BTBD10: variants seen among roughly 807,000 people sequenced by gnomAD.
BTBD10 encodes BTB/POZ domain-containing protein 10.
A neutral mutation model predicts 53.2 loss-of-function variants in BTBD10; 21 were observed. That is an observed-to-expected ratio of 0.39 (90% confidence interval 0.28 to 0.57). The LOEUF (loss-of-function observed/expected upper bound fraction) is 0.57, where lower values mean the gene tolerates loss of function less well. BTBD10 is among the 20% of genes least tolerant of loss of function. The probability of loss-of-function intolerance (pLI) is 0.53; values close to 1 mark genes in which losing one functional copy is unlikely to be tolerated. For missense variants in BTBD10, 360 were observed against 594.7 expected (o/e 0.61, Z 4.10); for synonymous variants, 149 against 192.7 (o/e 0.77, Z 1.88).
At chr11:13,444,407 T>C (rs1266996696) in intron 2 of BTBD10, among the ~76,000 whole-genome samples, 2 of 152,170 alleles carry the variant, frequency 1.3e-5, no homozygotes, top group Non-Finnish European at 2.9e-5. Flanking sequence ...CATCTTAAAA[T>C]TTCAGATCAA....
chr11:13,461,076 G>A (rs1951084613), intron 1 of BTBD10, among the ~76,000 whole-genome samples: 1 of 152,074 alleles, frequency 6.6e-6, no homozygotes, highest in African/African-American at 2.4e-5. Context: ...CTTAACTACT[G>A]TTTTCAATTA....
At chr11:13,416,371 A>G (rs1300118702) in intron 5 of BTBD10, among the ~76,000 whole-genome samples, 4 of 151,938 alleles carry the variant, frequency 2.6e-5, no homozygotes, top group African/African-American at 9.7e-5. Context: ...AAACAACAAC[A>G]ACAACAAAAA....
chr11:13,416,040 C>G (rs1387175624), intron 5 of BTBD10, among the ~76,000 whole-genome samples: 1 of 151,718 alleles, frequency 6.6e-6, no homozygotes, highest in East Asian at 1.9e-4. Flanking sequence ...CAGTTAAAAC[C>G]TCAAAAAAAA....
At chr11:13,436,019 C>G (rs1443293035) in intron 2 of BTBD10, among the ~76,000 whole-genome samples, 1 of 152,152 alleles carries the variant, frequency 6.6e-6, no homozygotes, top group Admixed American at 6.5e-5. Context: ...GTCTAACTAT[C>G]CTAAGAAATA....
At chr11:13,446,652 T>A (rs1032967829) in intron 1 of BTBD10, among the ~76,000 whole-genome samples, 6 of 152,172 alleles carry the variant, frequency 3.9e-5, no homozygotes, top group African/African-American at 1.4e-4. Context: ...CATAGTTTAT[T>A]TGCTGAATGC....
At chr11:13,441,394 C>G (rs1008843655) in intron 2 of BTBD10, among the ~76,000 whole-genome samples, 1 of 151,868 alleles carries the variant, frequency 6.6e-6, no homozygotes, top group Non-Finnish European at 1.5e-5. Flanking sequence ...TCACTAGGTA[C>G]CCCATAAATA....
chr11:13,394,358 A>C (rs932274231), intron 8 of BTBD10, among the ~76,000 whole-genome samples: 4 of 152,136 alleles, frequency 2.6e-5, no homozygotes, highest in Admixed American at 2.0e-4. Context: ...GTTTAAAAGT[A>C]TGTGGCAGTT....
intron 5 of BTBD10, 32 bp downstream of exon 5, chr11:13,417,126 T>C (rs375488801): frequency 4.0e-5 from 61 of 1,521,358 alleles, no homozygotes; most frequent in Non-Finnish European, 5.0e-5. Context: ...AGGCGTCTTA[T>C]GATTAAGTCA....
At chr11:13,456,020 G>A (rs1412014697) in intron 1 of BTBD10, among the ~76,000 whole-genome samples, 1 of 152,108 alleles carries the variant, frequency 6.6e-6, no homozygotes, top group Non-Finnish European at 1.5e-5. Context: ...TGTGATAATG[G>A]AAATGTTCTA....
chr11:13,403,018 G>T (rs1232151852), intron 8 of BTBD10, 150 bp downstream of exon 8: 2 of 489,936 alleles, frequency 4.1e-6, no homozygotes, highest in African/African-American at 2.0e-5. Context: ...GCTGATTTTT[G>T]TTATTTATAG....
intron 1 of BTBD10, among the ~76,000 whole-genome samples, chr11:13,461,586 A>G (rs547755507): frequency 4.6e-5 from 7 of 152,350 alleles, no homozygotes; most frequent in Admixed American, 4.6e-4. Flanking sequence ...TTGCAACTCC[A>G]TAGTTAATAA....
At chr11:13,423,880 T>G (rs1338491788) in intron 2 of BTBD10, among the ~76,000 whole-genome samples, 1 of 152,198 alleles carries the variant, frequency 6.6e-6, no homozygotes, top group Non-Finnish European at 1.5e-5. Context: ...TATCAGTTAT[T>G]TGTTTCTCAT....
Position 13,454,009 on chromosome 11 carries a change from G to T in BTBD10, c.-57-8828C>A, listed in dbSNP as rs376339079. On this transcript the variant is annotated intron_variant, in intron 1 of 8. Transcript: ENST00000278174. ...GGAGGTTGCAGTGAGCCAAGATCGC[G>T]CCACTGCACTCCAGCCTGGGCAACA... Among the ~76,000 whole-genome samples, 349 of 152,086 alleles carry T rather than the reference G, an allele frequency of 2.3e-3. 2 individuals carry two copies. Among genetic ancestry groups the T allele is most frequent in the African/African-American group, 8.1e-3 (334 of 41,456 alleles).
chr11:13,419,672 A>G lies in BTBD10; in HGVS notation c.372T>C (p.Ile124=), dbSNP rs1240170651. The change falls in exon 4 of 9, where the codon ATT becomes ATC. Residue 124 remains isoleucine (I), a synonymous_variant. Transcript: ENST00000278174. ...RPQKASPNGS[I]SSAGNSSRNS... is the part of the protein sequence containing the mutation. ...TTCTGCTGCTGTTCCCAGCACTGCT[A>G]ATGGAACCATTTGGGGATGCTTTTT... The G allele has an allele frequency of 1.9e-6, 3 of 1,613,994 alleles. No homozygotes were observed. Among genetic ancestry groups the G allele is most frequent in the South Asian group, 2.2e-5 (2 of 91,060 alleles).
At chr11:13,421,385 A>G (rs1176407637) in intron 3 of BTBD10, among the ~76,000 whole-genome samples, 1 of 152,234 alleles carries the variant, frequency 6.6e-6, no homozygotes, top group Non-Finnish European at 1.5e-5. Flanking sequence ...GAAAATCTAT[A>G]TATCACAGTT....
At chr11:13,427,947 G>C (rs1218749641) in intron 2 of BTBD10, among the ~76,000 whole-genome samples, 1 of 151,872 alleles carries the variant, frequency 6.6e-6, no homozygotes, top group African/African-American at 2.4e-5. Context: ...AAAACCCCAA[G>C]ATACCATAAT....
intron 2 of BTBD10, among the ~76,000 whole-genome samples, chr11:13,435,250 T>C (rs1373871937): frequency 1.3e-5 from 2 of 152,192 alleles, no homozygotes; most frequent in Non-Finnish European, 2.9e-5. Flanking sequence ...GTTTATTGTG[T>C]ATCTACTGAA....
chr11:13,446,801 AT>A (rs1462409252), intron 1 of BTBD10, among the ~76,000 whole-genome samples: 1 of 152,172 alleles, frequency 6.6e-6, no homozygotes, highest in African/African-American at 2.4e-5. Flanking sequence ...TGAATTTTAG[AT>A]TATAAAAATA....
chr11:13,440,036 T>C, intron 2 of BTBD10: 1 of 1,532,792 alleles, frequency 6.5e-7, no homozygotes, highest in Non-Finnish European at 8.7e-7. Flanking sequence ...ACATCTGATA[T>C]TTCCATCATC....
Sources: gnomAD v4.1 joint callset for allele counts (sites outside exome capture counted in the v4.1 genomes callset) on GRCh38, gnomAD v4.1.1 for gene constraint, MANE v1.5 for transcripts, NCBI Gene and HGNC (gene_info 2026-07-23, HGNC 2026-07-21) for gene names.